The following ZNRF1 variants were observed in gnomAD, a reference collection of about 807,000 sequenced individuals.
ZNRF1 encodes zinc and ring finger 1.
In ZNRF1, 3 loss-of-function variants were observed where a neutral mutation model predicts 18.4. The observed-to-expected ratio is 0.16, with a 90% CI of 0.07 to 0.42. The LOEUF (loss-of-function observed/expected upper bound fraction) is 0.42, where lower values mean the gene tolerates loss of function less well. Among genes scored for constraint, ZNRF1 ranks in the 10% least tolerant of loss-of-function variants. The pLI is 0.99. For synonymous variants in ZNRF1, 157 were observed against 144.2 expected (o/e 1.09, Z -0.64); for missense variants, 310 against 329.8 (o/e 0.94, Z 0.47).
chr16:75,104,568 A>ATTT (rs1396098292), intron 2 of ZNRF1: 1 of 435,654 alleles, frequency 2.3e-6, no homozygotes, highest in Non-Finnish European at 4.2e-6. Context: ...GATTAATCCC[A>ATTT]TTTTGTCTTT....
intron 1 of ZNRF1, among the ~76,000 whole-genome samples, chr16:75,079,014 C>G (rs919970004): frequency 6.6e-6 from 1 of 152,210 alleles, no homozygotes; most frequent in South Asian, 2.1e-4. Flanking sequence ...TACTCCCAAC[C>G]TTCTCCTTCT....
Position 75,055,848 on chromosome 16 carries a change from G to A in ZNRF1, c.425-37724G>A, listed in dbSNP as rs951500942. On this transcript the variant is annotated intron_variant, in intron 1 of 4. Transcript: ENST00000335325. ...AAAGTAGCATTACCTGGGAAAGCTGGCCTTGTCTCCAACTGGGCACATCCT... is the reference window on the plus strand; with the variant it reads ...AAAGTAGCATTACCTGGGAAAGCTGACCTTGTCTCCAACTGGGCACATCCT... Among the ~76,000 whole-genome samples the A allele has an allele frequency of 5.3e-5, 8 of 152,246 alleles. No homozygotes were observed. The East Asian group carries it at 7.7e-4, about 15-fold the overall frequency.
chr16:75,042,443 CTTTTTT>C (rs56212046), intron 1 of ZNRF1, among the ~76,000 whole-genome samples: 34 of 116,946 alleles, frequency 2.9e-4, no homozygotes, highest in East Asian at 2.2e-3. Flanking sequence ...CTGTTTCTTT[CTTTTTT>C]TTTTTTTTTT....
At chr16:75,028,256 C>T (rs1423133413) in intron 1 of ZNRF1, among the ~76,000 whole-genome samples, 1 of 152,192 alleles carries the variant, frequency 6.6e-6, no homozygotes, top group Non-Finnish European at 1.5e-5. Context: ...CATGATTCTA[C>T]TTCCCCTACA....
At chr16:75,099,847 G>A (rs1486975156) in intron 2 of ZNRF1, among the ~76,000 whole-genome samples, 1 of 152,220 alleles carries the variant, frequency 6.6e-6, no homozygotes, top group Non-Finnish European at 1.5e-5. Flanking sequence ...GTAGGAACCA[G>A]TTGATAGGCA....
At chr16:75,091,081 A>C (rs1228015666) in intron 1 of ZNRF1, among the ~76,000 whole-genome samples, 3 of 151,848 alleles carry the variant, frequency 2.0e-5, no homozygotes, top group Non-Finnish European at 4.4e-5. Context: ...TTCATAAGAA[A>C]TGTTGGGTGA....
chr16:75,028,211 TC>T (rs2035251959), intron 1 of ZNRF1, among the ~76,000 whole-genome samples: 1 of 152,212 alleles, frequency 6.6e-6, no homozygotes, highest in Non-Finnish European at 1.5e-5. Flanking sequence ...TGCTATTTCT[TC>T]CATCTTGAAA....
chr16:75,033,207 A>G (rs912531289), intron 1 of ZNRF1, among the ~76,000 whole-genome samples: 5 of 147,690 alleles, frequency 3.4e-5, no homozygotes, highest in Middle Eastern at 6.5e-3. Flanking sequence ...TATTTAGGGT[A>G]TTCTCAGGCT....
rs188581950 is a variant in ZNRF1, at chr16:75,082,869, G to T, written c.425-10703G>T. The stretch of plus-strand genomic sequence containing the variant: ...GCACCCGGCCAGGAATAAATTGATT[G>T]GGTCTATTATTGGAATTCAGTCTGT... On this transcript the variant is annotated intron_variant, in intron 1 of 4. Coordinates refer to ENST00000335325, the MANE Select transcript of ZNRF1 (RefSeq NM_032268.5). 6.8e-4 allele frequency among the ~76,000 whole-genome samples: 104 copies of T among 152,162 alleles called. 1 individual carries two copies. Among genetic ancestry groups the T allele is most frequent in the African/African-American group, 2.4e-3 (100 of 41,518 alleles).
intron 1 of ZNRF1, among the ~76,000 whole-genome samples, chr16:75,059,951 C>T (rs72800349): frequency 6.6e-6 from 1 of 152,104 alleles, no homozygotes; most frequent in African/African-American, 2.4e-5. Flanking sequence ...GACTAGACCT[C>T]GTTTGATTAT....
chr16:75,030,280 G>A (rs1302103268), intron 1 of ZNRF1, among the ~76,000 whole-genome samples: 1 of 152,106 alleles, frequency 6.6e-6, no homozygotes, highest in Non-Finnish European at 1.5e-5. Context: ...AGAAAGAATA[G>A]TGTTTTCAAT....
chr16:75,084,550 A>C (rs904203208), intron 1 of ZNRF1: 1 of 152,210 alleles, frequency 6.6e-6, no homozygotes, highest in Non-Finnish European at 1.5e-5. Context: ...GTGGAATTTC[A>C]TCTACAGACC....
chr16:75,105,184 C>T (rs936449550), intron 3 of ZNRF1: 4 of 331,760 alleles, frequency 1.2e-5, no homozygotes, highest in Non-Finnish European at 2.3e-5. Context: ...AGCTTCGGAT[C>T]CCACTGGGAA....
chr16:75,098,320 CTGT>C (rs2036222190), intron 2 of ZNRF1, among the ~76,000 whole-genome samples: 1 of 152,222 alleles, frequency 6.6e-6, no homozygotes, highest in Non-Finnish European at 1.5e-5. Context: ...TGGGAGGGAG[CTGT>C]AGTGGCCTCA....
intron 2 of ZNRF1, among the ~76,000 whole-genome samples, chr16:75,094,337 C>T (rs561401069): frequency 2.0e-5 from 3 of 152,254 alleles, no homozygotes; most frequent in South Asian, 4.1e-4. Context: ...AGGGTAGGAC[C>T]CTGAGGGCAG....
intron 2 of ZNRF1, among the ~76,000 whole-genome samples, chr16:75,101,928 T>A (rs890326738): frequency 6.6e-6 from 1 of 152,186 alleles, no homozygotes. Flanking sequence ...GGACAGACAC[T>A]TCAGCAGCAG....
At chr16:75,034,032 C>T (rs1442897362) in intron 1 of ZNRF1, among the ~76,000 whole-genome samples, 1 of 151,950 alleles carries the variant, frequency 6.6e-6, no homozygotes, top group Non-Finnish European at 1.5e-5. Flanking sequence ...TTGGTGCACA[C>T]CTGTAGTCCC....
rs529024591 is a variant in ZNRF1, at chr16:75,043,159, GCCGTATTTATA to G, written c.424+43067_424+43077del. 4.6e-5 allele frequency among the ~76,000 whole-genome samples: 7 copies of G among 152,288 alleles called. No homozygotes were observed. The South Asian group carries it at 1.2e-3, about 27-fold the overall frequency. On this transcript the variant is annotated intron_variant, in intron 1 of 4. Coordinates refer to ENST00000335325, the MANE Select transcript of ZNRF1 (RefSeq NM_032268.5). The stretch of plus-strand genomic sequence containing the variant: ...CTTTTTGAGCCTCCTTTGTTTTAAA[GCCGTATTTATA>G]CCAATGAGTTTCTAAGCAGCCTGGC...
In ZNRF1 at chr16:75,050,696, G is replaced by A. The variant is rs368927261; in HGVS notation, c.425-42876G>A. Among the ~76,000 whole-genome samples, 31 of 150,964 alleles carry A rather than the reference G, an allele frequency of 2.1e-4. 2 individuals are homozygous for A. The highest frequency in any genetic ancestry group is 1.3e-3 in the South Asian group (6 of 4,760). ...ATCCTGGCTAACACGGTGAAACACC[G>A]TCTCTACTAAAAAAATACAGAAAAA... On this transcript the variant is annotated intron_variant, in intron 1 of 4. Transcript: ENST00000335325.
Sources: allele counts gnomAD v4.1 joint callset (sites outside exome capture counted in the v4.1 genomes callset), GRCh38; gene constraint gnomAD v4.1.1; transcripts MANE v1.5; gene names NCBI Gene and HGNC (gene_info 2026-07-23, HGNC 2026-07-21).